SENP7: variants seen among roughly 807,000 people sequenced by gnomAD.
SENP7 encodes the protein SUMO specific peptidase 7, also known as sentrin-specific protease 7.
In SENP7, 64 loss-of-function variants were observed where a neutral mutation model predicts 141.2. That is an observed-to-expected ratio of 0.45 (90% CI 0.37 to 0.56). SENP7 has a LOEUF of 0.56. SENP7 is among the 20% of genes least tolerant of loss of function. The probability of loss-of-function intolerance (pLI) is 0.00; values close to 1 mark genes in which losing one functional copy is unlikely to be tolerated. For missense variants in SENP7, 1,025 were observed against 1,212.2 expected (o/e 0.85, Z 2.29); for synonymous variants, 382 against 426.4 (o/e 0.90, Z 1.28).
intron 5 of SENP7, among the ~76,000 whole-genome samples, chr3:101,409,049 A>G (rs1156915113): frequency 6.6e-6 from 1 of 152,204 alleles, no homozygotes; most frequent in Non-Finnish European, 1.5e-5. Flanking sequence ...CTCCTCCAGA[A>G]AACTCCTAGA....
intron 5 of SENP7, among the ~76,000 whole-genome samples, chr3:101,413,456 G>GT (rs1298670085): frequency 6.6e-6 from 1 of 152,168 alleles, no homozygotes; most frequent in Non-Finnish European, 1.5e-5. Context: ...GTCTAGAGAT[G>GT]TAACTCTGGT....
intron 3 of SENP7, among the ~76,000 whole-genome samples, chr3:101,467,114 G>A (rs549484763): frequency 2.0e-5 from 3 of 152,330 alleles, no homozygotes; most frequent in East Asian, 3.9e-4. Context: ...ACTGCAAGAC[G>A]GCAGCCTGGC....
chr3:101,391,325 C>G lies in SENP7; in HGVS notation c.677+7536G>C, dbSNP rs531360760. ...TTGTTTTTTAAAGACAAACAAAAAT[C>G]ACTGGCTACACCAACCAAGATTAAA... On this transcript the variant is annotated intron_variant, in intron 6 of 23. Transcript: ENST00000394095. 2.3e-5 allele frequency among the ~76,000 whole-genome samples: 3 copies of G among 130,298 alleles called. No homozygotes were observed. In the South Asian group the frequency reaches 8.0e-4, roughly 35 times the overall value. The allele number at this position is 130,298 out of a possible 152,430, so 85.5% of individuals were successfully genotyped here. A position where few individuals can be genotyped will look rare whatever the true frequency, so the allele number is the denominator to read the frequency against.
intron 13 of SENP7, 81 bp downstream of exon 13, chr3:101,347,791 A>G (rs1017348680): frequency 7.9e-6 from 5 of 631,182 alleles, no homozygotes; most frequent in African/African-American, 1.9e-5. Context: ...CTGAAATAAC[A>G]TTCTATTAAA....
intron 6 of SENP7, among the ~76,000 whole-genome samples, chr3:101,377,021 G>A (rs1019670071): frequency 6.6e-6 from 1 of 152,070 alleles, no homozygotes; most frequent in Non-Finnish European, 1.5e-5. Flanking sequence ...CCTTGTGGAA[G>A]AAGAATTTCT....
intron 5 of SENP7, chr3:101,414,764 T>C: frequency 1.7e-6 from 1 of 587,820 alleles, no homozygotes. Flanking sequence ...AATGCATATG[T>C]CACTTGCCTC....
chr3:101,486,341 C>G (rs573196204), intron 3 of SENP7, among the ~76,000 whole-genome samples: 1 of 152,138 alleles, frequency 6.6e-6, no homozygotes, highest in African/African-American at 2.4e-5. Context: ...AGGAAAGAAT[C>G]TTAAGAGCTG....
chr3:101,363,578 T>C (rs1036104979), intron 10 of SENP7, among the ~76,000 whole-genome samples: 2 of 152,240 alleles, frequency 1.3e-5, no homozygotes, highest in African/African-American at 4.8e-5. Flanking sequence ...CTAATTCTTC[T>C]ACAAGTTTAA....
chr3:101,490,981 T>C (rs1273356537), intron 3 of SENP7, among the ~76,000 whole-genome samples: 1 of 152,172 alleles, frequency 6.6e-6, no homozygotes, highest in African/African-American at 2.4e-5. Context: ...TAAGTATCAC[T>C]TAACTTTTGC....
intron 3 of SENP7, among the ~76,000 whole-genome samples, chr3:101,476,207 C>T (rs775819933): frequency 2.8e-4 from 42 of 152,004 alleles, no homozygotes; most frequent in Non-Finnish European, 4.4e-4. Context: ...CCCATCAACC[C>T]GTCATCTACA....
At chr3:101,408,541 T>A (rs2061368146) in intron 5 of SENP7, among the ~76,000 whole-genome samples, 1 of 152,026 alleles carries the variant, frequency 6.6e-6, no homozygotes, top group Non-Finnish European at 1.5e-5. Context: ...TAACAAAATA[T>A]GAGCTATCTG....
At chr3:101,358,151 T>C in intron 11 of SENP7, 2 of 528,190 alleles carry the variant, frequency 3.8e-6, no homozygotes, top group Non-Finnish European at 6.6e-6. Flanking sequence ...ATAAGATAAT[T>C]CATACTGGAG....
At chr3:101,335,597 T>C (rs1272282191) in intron 17 of SENP7, among the ~76,000 whole-genome samples, 1 of 142,902 alleles carries the variant, frequency 7.0e-6, no homozygotes, top group Non-Finnish European at 1.5e-5. Context: ...TATATAATAA[T>C]CAGGTACACA....
chr3:101,326,959 A>G (rs1223449204), intron 23 of SENP7, among the ~76,000 whole-genome samples: 2 of 151,834 alleles, frequency 1.3e-5, no homozygotes, highest in African/African-American at 4.8e-5. Context: ...CTAGTCCTCT[A>G]TTAAACTTGT....
intron 5 of SENP7, among the ~76,000 whole-genome samples, chr3:101,403,841 T>C (rs890438608): frequency 6.6e-6 from 1 of 151,988 alleles, no homozygotes; most frequent in African/African-American, 2.4e-5. Context: ...AAAAGAATAA[T>C]ATACCTCTGA....
At position 101,386,856 on chromosome 3, in the gene SENP7, C is replaced by G. The variant is rs56214693; in HGVS notation, c.677+12005G>C. Among the ~76,000 whole-genome samples the G allele has an allele frequency of 9.8e-3, 1,491 of 152,326 alleles. 28 individuals carry two copies. The highest frequency in any genetic ancestry group is 0.034 in the African/African-American group (1,410 of 41,578). On this transcript the variant is annotated intron_variant, in intron 6 of 23. Transcript: ENST00000394095. ...CAGAGGGTCTGGGGACCAGCCTTCC[C>G]AGCTGACATCCCAGGCCCCCAGAAT...
intron 3 of SENP7, among the ~76,000 whole-genome samples, chr3:101,475,865 G>A (rs1017337498): frequency 3.3e-5 from 5 of 152,096 alleles, no homozygotes; most frequent in African/African-American, 9.7e-5. Flanking sequence ...AAGCAAATAT[G>A]AGAACTAAAG....
At chr3:101,346,870 T>C (rs1211878480) in intron 13 of SENP7, among the ~76,000 whole-genome samples, 1 of 149,694 alleles carries the variant, frequency 6.7e-6, no homozygotes, top group African/African-American at 2.5e-5. Flanking sequence ...ACTTATGTAA[T>C]CAAATACCAC....
rs572008790 is a variant in SENP7, at chr3:101,483,112, T to C, written c.186+10761A>G. ...TACTGAGTATATGTCCAAAAGAAAA[T>C]AAATCATTCTGCCAAAAAGACACAT... On this transcript the variant is annotated intron_variant, in intron 3 of 23. Coordinates refer to ENST00000394095, the MANE Select transcript of SENP7 (RefSeq NM_020654.5). 9.2e-5 allele frequency among the ~76,000 whole-genome samples: 14 copies of C among 152,022 alleles called. No homozygotes were observed. In the South Asian group the frequency reaches 1.5e-3, roughly 16 times the overall value.
Sources: gnomAD v4.1 joint callset for allele counts (sites outside exome capture counted in the v4.1 genomes callset) on GRCh38, gnomAD v4.1.1 for gene constraint, MANE v1.5 for transcripts, NCBI Gene and HGNC (gene_info 2026-07-23, HGNC 2026-07-21) for gene names.